Variants in GYS2 observed in about 807,000 individuals in gnomAD.
The protein encoded by GYS2 is glycogen [starch] synthase, liver.
Under a neutral mutation model 85.6 loss-of-function variants are expected in GYS2, and 80 were observed. That is an observed-to-expected ratio of 0.93 (90% confidence interval 0.78 to 1.13). The LOEUF (loss-of-function observed/expected upper bound fraction) is 1.13. Among genes scored for constraint, GYS2 ranks in the 50% most tolerant of loss-of-function variants. The pLI is 0.00. For missense variants in GYS2, 881 were observed against 854.9 expected (o/e 1.03, Z -0.38); for synonymous variants, 328 against 300.7 (o/e 1.09, Z -0.94).
downstream of GYS2, among the ~76,000 whole-genome samples, chr12:21,533,962 C>T (rs1430877718): frequency 6.6e-6 from 1 of 152,170 alleles, no homozygotes; most frequent in Non-Finnish European, 1.5e-5. Flanking sequence ...CAAGGCAGCT[C>T]TCTGGGGCCT....
intron 8 of GYS2, 94 bp downstream of exon 8, chr12:21,560,292 A>C: frequency 1.3e-6 from 1 of 784,684 alleles, no homozygotes; most frequent in East Asian, 2.4e-5. Context: ...CTTAAGGAAA[A>C]AACAAAGTTC....
At chr12:21,598,938 A>G (rs1302182232) in intron 1 of GYS2, among the ~76,000 whole-genome samples, 1 of 152,140 alleles carries the variant, frequency 6.6e-6, no homozygotes, top group Non-Finnish European at 1.5e-5. Flanking sequence ...ACCATGGTAC[A>G]TATAACAATG....
At chr12:21,552,263 A>G (rs1051598234) in intron 11 of GYS2, among the ~76,000 whole-genome samples, 1 of 152,230 alleles carries the variant, frequency 6.6e-6, no homozygotes, top group Non-Finnish European at 1.5e-5. Context: ...GTTTATTTTT[A>G]CACCGTGGCA....
At chr12:21,581,452 G>T (rs1591804089) in intron 1 of GYS2, among the ~76,000 whole-genome samples, 1 of 152,240 alleles carries the variant, frequency 6.6e-6, no homozygotes, top group East Asian at 1.9e-4. Context: ...CCCCCTTAGA[G>T]TTGTAAGCCC....
intron 4 of GYS2, among the ~76,000 whole-genome samples, chr12:21,573,234 A>T (rs534185241): frequency 6.6e-6 from 1 of 152,344 alleles, no homozygotes; most frequent in Admixed American, 6.5e-5. Context: ...TTTGTGTATT[A>T]CACACACATA....
At chr12:21,573,248 A>G (rs1430544961) in intron 4 of GYS2, among the ~76,000 whole-genome samples, 8 of 152,232 alleles carry the variant, frequency 5.3e-5, no homozygotes, top group Non-Finnish European at 4.4e-5. Flanking sequence ...ACACATACAC[A>G]TTCTATTTTA....
At chr12:21,562,783 G>T in intron 7 of GYS2, 135 bp downstream of exon 7, 1 of 894,086 alleles carries the variant, frequency 1.1e-6, no homozygotes, top group Non-Finnish European at 1.8e-6. Context: ...TAAATTGAAA[G>T]GCTGAAGCCA....
rs1457375022 is a variant in GYS2, at chr12:21,560,510, AAC to A, written c.1063-20_1063-19del. 1 of 1,118,614 alleles carries A rather than the reference AAC, an allele frequency of 8.9e-7. No individual in the cohort carries two copies. Among genetic ancestry groups the A allele is most frequent in the African/African-American group, 1.5e-5 (1 of 66,050 alleles). The allele number at this position is 1,118,614 out of a possible 1,614,324, so 69.3% of individuals were successfully genotyped here. A position where few individuals can be genotyped will look rare whatever the true frequency, so the allele number is the denominator to read the frequency against. On this transcript the variant is annotated intron_variant, in intron 7 of 15. Transcript: ENST00000261195. ...TTATGCATCTGATGAGGAATTAGAA[AAC>A]ACAGAGTCAACTATCAAAGATTTTT...
chr12:21,537,090 A>G lies in GYS2; in HGVS notation c.1976T>C (p.Val659Ala). 6.2e-7 allele frequency: 1 copy of G among 1,613,646 alleles called. No homozygotes were observed. Residue 659 changes from valine to alanine, a missense_variant, in exon 16 of 16, where the codon GTG becomes GCG. Transcript: ENST00000261195. The stretch of plus-strand genomic sequence containing the variant: ...TCTCTCATCCTCCACTTCATCTTCC[A>G]CATCACTGCTCTGAGGACTGGAGGC... ...SQASSPQSSD[V>A]EDEVEDERYD...
intron 2 of GYS2, among the ~76,000 whole-genome samples, 193 bp from the exon 3 acceptor site, chr12:21,576,250 C>G (rs1437624558): frequency 6.6e-6 from 1 of 152,184 alleles, no homozygotes; most frequent in Non-Finnish European, 1.5e-5. Context: ...ATCCATTCAT[C>G]TAGAACCTCC....
chr12:21,583,033 G>A (rs1944530208), intron 1 of GYS2, among the ~76,000 whole-genome samples: 1 of 152,158 alleles, frequency 6.6e-6, no homozygotes, highest in Non-Finnish European at 1.5e-5. Context: ...ATGAACTCAG[G>A]AGTATATCAA....
At chr12:21,593,628 G>T (rs1046381733) in intron 1 of GYS2, among the ~76,000 whole-genome samples, 6 of 151,802 alleles carry the variant, frequency 4.0e-5, no homozygotes, top group African/African-American at 1.4e-4. Flanking sequence ...GTAGTAAAAA[G>T]TCTCCCAAAA....
At chr12:21,547,534 T>A (rs1944056340) in intron 11 of GYS2, among the ~76,000 whole-genome samples, 1 of 152,178 alleles carries the variant, frequency 6.6e-6, no homozygotes, top group Non-Finnish European at 1.5e-5. Flanking sequence ...TACTACATGA[T>A]GTATGATTTC....
chr12:21,573,726 G>A (rs943567980), intron 4 of GYS2, among the ~76,000 whole-genome samples: 1 of 152,180 alleles, frequency 6.6e-6, no homozygotes, highest in African/African-American at 2.4e-5. Context: ...AGAAGAAATA[G>A]AGGAAGTAAG....
intron 2 of GYS2, 26 bp from the exon 3 acceptor site, chr12:21,576,083 T>C: frequency 1.9e-6 from 3 of 1,575,998 alleles, no homozygotes; most frequent in African/African-American, 1.3e-5. Context: ...CACAGCCATG[T>C]AGTGATATTA....
intron 4 of GYS2, among the ~76,000 whole-genome samples, chr12:21,571,162 G>T (rs1944380386): frequency 6.6e-6 from 1 of 152,214 alleles, no homozygotes; most frequent in Non-Finnish European, 1.5e-5. Flanking sequence ...GACCCCGTGA[G>T]AGGCCTTGGG....
chr12:21,557,503 C>A (rs1944194572), intron 11 of GYS2, among the ~76,000 whole-genome samples: 1 of 152,130 alleles, frequency 6.6e-6, no homozygotes, highest in Non-Finnish European at 1.5e-5. Context: ...TCATATTATC[C>A]CCTTAAGTTG....
At chr12:21,583,305 G>A (rs1216066908) in intron 1 of GYS2, among the ~76,000 whole-genome samples, 1 of 152,204 alleles carries the variant, frequency 6.6e-6, no homozygotes, top group Non-Finnish European at 1.5e-5. Flanking sequence ...TCCTTCTAAA[G>A]TGAAGGATAA....
intron 12 of GYS2, among the ~76,000 whole-genome samples, chr12:21,545,303 G>A (rs575339250): frequency 2.0e-4 from 30 of 152,168 alleles, no homozygotes; most frequent in Admixed American, 1.2e-3. Context: ...TTAGCCAGGC[G>A]TGGTGGTGTG....
Sources: gnomAD v4.1 joint callset for allele counts (sites outside exome capture counted in the v4.1 genomes callset) on GRCh38, gnomAD v4.1.1 for gene constraint, MANE v1.5 for transcripts, NCBI Gene and HGNC (gene_info 2026-07-23, HGNC 2026-07-21) for gene names.